Variants in AFAP1L2 observed in about 807,000 individuals in gnomAD.
AFAP1L2 encodes the protein actin filament-associated protein 1-like 2.
In AFAP1L2, 46 loss-of-function variants were observed where a neutral mutation model predicts 99.3. That is an observed-to-expected ratio of 0.46 (90% CI 0.37 to 0.59). AFAP1L2 has a LOEUF of 0.59. Ranked by LOEUF, AFAP1L2 falls within the 20% of genes least tolerant of loss-of-function variation. AFAP1L2 has a pLI of 0.00. For synonymous variants in AFAP1L2, 397 were observed against 419.1 expected (o/e 0.95, Z 0.64); for missense variants, 959 against 1,034.9 (o/e 0.93, Z 1.01).
intron 8 of AFAP1L2, among the ~76,000 whole-genome samples, chr10:114,309,035 A>C (rs1056298512): frequency 2.6e-5 from 4 of 152,192 alleles, no homozygotes; most frequent in African/African-American, 9.6e-5. Flanking sequence ...TTGGGGACTC[A>C]AGATGATCCC....
chr10:114,382,657 G>A (rs1049306178), intron 1 of AFAP1L2, among the ~76,000 whole-genome samples: 4 of 141,096 alleles, frequency 2.8e-5, no homozygotes, highest in South Asian at 2.3e-4. Flanking sequence ...GCAATGGCAC[G>A]ATCTCAGCTC....
chr10:114,284,773 C>T, the AFAP1L2 span: 1 of 1,280,284 alleles, frequency 7.8e-7, no homozygotes, highest in Non-Finnish European at 1.1e-6. Context: ...ACTGCTAGAG[C>T]AGGAAGCCAG....
intron 2 of AFAP1L2, among the ~76,000 whole-genome samples, chr10:114,338,329 G>A (rs759197098): frequency 1.3e-5 from 2 of 152,144 alleles, no homozygotes; most frequent in Non-Finnish European, 2.9e-5. Context: ...GCCCTTGCAC[G>A]GTCCCTGACC....
intron 1 of AFAP1L2, among the ~76,000 whole-genome samples, chr10:114,347,084 G>A (rs914638792): frequency 5.3e-5 from 8 of 152,202 alleles, no homozygotes; most frequent in African/African-American, 1.9e-4. Context: ...GTCAAACTGA[G>A]CAGACCTGCG....
At chr10:114,305,870 G>A (rs1425329962) in intron 10 of AFAP1L2, among the ~76,000 whole-genome samples, 2 of 131,486 alleles carry the variant, frequency 1.5e-5, no homozygotes, top group South Asian at 5.4e-4. Flanking sequence ...GCGGGTGCAG[G>A]AGGGGGCGCA....
chr10:114,352,657 A>G (rs2050714499), intron 1 of AFAP1L2, among the ~76,000 whole-genome samples: 2 of 152,196 alleles, frequency 1.3e-5, no homozygotes, highest in Admixed American at 6.5e-5. Context: ...AAGGTTTTCA[A>G]AGCTTTCTGT....
chr10:114,289,168 G>T, the AFAP1L2 span: 2 of 1,613,714 alleles, frequency 1.2e-6, no homozygotes, highest in South Asian at 2.2e-5. Context: ...CATTAGCCAG[G>T]CCCCCTACCT....
intron 11 of AFAP1L2, among the ~76,000 whole-genome samples, chr10:114,303,267 C>T (rs150823377): frequency 1.9e-3 from 291 of 152,244 alleles, no homozygotes; most frequent in Non-Finnish European, 2.9e-3. Context: ...TCAAAGAGGC[C>T]GTGATGAGCA....
intron 1 of AFAP1L2, among the ~76,000 whole-genome samples, chr10:114,386,798 G>A (rs1487857727): frequency 6.6e-6 from 1 of 152,248 alleles, no homozygotes; most frequent in Non-Finnish European, 1.5e-5. Flanking sequence ...TTCTAGAGTT[G>A]CAACTCATGC....
chr10:114,404,310 G>C, intron 1 of AFAP1L2, 130 bp downstream of exon 1: 2 of 1,106,792 alleles, frequency 1.8e-6, no homozygotes, highest in Admixed American at 4.0e-5. Flanking sequence ...CTTAGGCCCA[G>C]GTCCGGGCTG....
intron 6 of AFAP1L2, among the ~76,000 whole-genome samples, chr10:114,315,057 C>T (rs1171342572): frequency 6.6e-6 from 1 of 152,216 alleles, no homozygotes; most frequent in Non-Finnish European, 1.5e-5. Flanking sequence ...AGGAGAATCA[C>T]TTGAACCCAG....
Position 114,377,510 on chromosome 10 carries a change from A to G in AFAP1L2, c.16+26930T>C, listed in dbSNP as rs935045265. On this transcript the variant is annotated intron_variant, in intron 1 of 18. Transcript: ENST00000304129. The surrounding 1 kb of genome is among the most constrained non-coding windows in gnomAD (Gnocchi z 4.0). ...ATTGCTGTATCATAGACACTGTACC[A>G]TATGCCATATGTACTTAATCAAGGG... Among the ~76,000 whole-genome samples, 2 of 152,214 alleles carry G rather than the reference A, an allele frequency of 1.3e-5. No individual in the cohort carries two copies. Among genetic ancestry groups the G allele is most frequent in the Non-Finnish European group, 2.9e-5 (2 of 68,032 alleles).
At chr10:114,303,541 G>A (rs971494549) in intron 11 of AFAP1L2, among the ~76,000 whole-genome samples, 3 of 152,184 alleles carry the variant, frequency 2.0e-5, no homozygotes, top group South Asian at 4.1e-4. Flanking sequence ...TCCTGACCTC[G>A]GGTGATCCAC....
At position 114,300,179 on chromosome 10, in the gene AFAP1L2, C is replaced by T. The variant is rs552209753; in HGVS notation, c.1957+15G>A. 2.2e-5 allele frequency: 35 copies of T among 1,614,140 alleles called. No individual in the cohort carries two copies. Among genetic ancestry groups the T allele is most frequent in the African/African-American group, 4.0e-5 (3 of 75,046 alleles). The stretch of plus-strand genomic sequence containing the variant: ...ATACAGATGGAATCGGGCTAACTTC[C>T]CCAAGCACAAGTACCTGCACTGGTC... On this transcript the variant is annotated intron_variant, in intron 15 of 18. Coordinates refer to ENST00000304129, the MANE Select transcript of AFAP1L2 (RefSeq NM_001001936.3).
At chr10:114,363,531 T>C (rs531813491) in intron 1 of AFAP1L2, among the ~76,000 whole-genome samples, 2 of 152,358 alleles carry the variant, frequency 1.3e-5, no homozygotes, top group South Asian at 4.1e-4. Flanking sequence ...TTAAATTTCA[T>C]TTAATCTTCC....
chr10:114,337,267 G>T (rs1302640268), intron 2 of AFAP1L2, among the ~76,000 whole-genome samples: 4 of 152,180 alleles, frequency 2.6e-5, no homozygotes, highest in Non-Finnish European at 4.4e-5. Flanking sequence ...CAGAGGCTTG[G>T]TTTCCTTGTT....
intron 1 of AFAP1L2, among the ~76,000 whole-genome samples, chr10:114,378,118 T>G (rs1408290552): frequency 6.6e-6 from 1 of 152,234 alleles, no homozygotes. Flanking sequence ...TGGATTGCTC[T>G]GCTTGCAAGA....
chr10:114,317,284 T>C (rs745598332), intron 5 of AFAP1L2, among the ~76,000 whole-genome samples: 3 of 152,230 alleles, frequency 2.0e-5, no homozygotes, highest in Admixed American at 6.5e-5. Flanking sequence ...AAACAACATT[T>C]TAAACATTTT....
At chr10:114,331,536 G>A (rs1212935203) in intron 4 of AFAP1L2, among the ~76,000 whole-genome samples, 12 of 152,180 alleles carry the variant, frequency 7.9e-5, no homozygotes, top group Non-Finnish European at 1.8e-4. Context: ...ACATGGTGCT[G>A]GATAAAGAGC....
Sources: gnomAD v4.1 joint callset for allele counts (sites outside exome capture counted in the v4.1 genomes callset) on GRCh38, gnomAD v4.1.1 for gene constraint, Gnocchi (gnomAD v3.1) non-coding constraint, MANE v1.5 for transcripts, NCBI Gene and HGNC (gene_info 2026-07-23, HGNC 2026-07-21) for gene names.